LMX1A: variants seen among roughly 807,000 people sequenced by gnomAD.
LMX1A encodes LIM homeobox transcription factor 1-alpha.
LMX1A carries 15 observed loss-of-function variants against 49.1 expected under a neutral mutation model. The observed-to-expected ratio is 0.31, with a 90% confidence interval of 0.20 to 0.47. The LOEUF is 0.47. LMX1A is among the 20% of genes least tolerant of loss of function. The pLI is 1.00. For missense variants in LMX1A, 372 were observed against 475.8 expected, an observed-to-expected ratio of 0.78 and a Z score of 2.03; for synonymous variants, 167 against 185.7, an observed-to-expected ratio of 0.90 and a Z score of 0.82.
At chr1:165,210,604 A>G in intron 6 of LMX1A, 95 bp downstream of exon 6, 1 of 840,656 alleles carries the variant, frequency 1.2e-6, no homozygotes, top group Non-Finnish European at 1.9e-6. Context: ...CCAATGAGCT[A>G]AGGCGAGAAA....
intron 3 of LMX1A, among the ~76,000 whole-genome samples, chr1:165,338,554 A>G (rs1238330875): frequency 6.6e-6 from 1 of 152,216 alleles, no homozygotes; most frequent in African/African-American, 2.4e-5. Flanking sequence ...CTTAACTGTC[A>G]ACAGGGAAAT....
In LMX1A at chr1:165,221,288, T is replaced by G. The variant is rs537304375; in HGVS notation, c.497-7475A>C. On this transcript the variant is annotated intron_variant, in intron 4 of 8. Transcript: ENST00000342310. ...GAAAGGGAAGGCTTTCTGGAGGGGG[T>G]GAAAGGTTGACCCTGAGCTCCTGCT... Among the ~76,000 whole-genome samples the G allele has an allele frequency of 2.7e-5, 4 of 149,950 alleles. No homozygotes were observed. The South Asian group carries it at 8.3e-4, about 31-fold the overall frequency.
chr1:165,217,749 C>T (rs1354250190), intron 4 of LMX1A, among the ~76,000 whole-genome samples: 2 of 152,176 alleles, frequency 1.3e-5, no homozygotes, highest in Non-Finnish European at 2.9e-5. Context: ...TTGCACAGTT[C>T]AAATCCATGT....
Position 165,355,483 on chromosome 1 carries a change from C to T in LMX1A, c.76+1G>A. ...CCAGGACGCACGGCCTGAACACTCACCCAGCAGCGAGGAGAAGGAGGCCGA... is the reference window on the plus strand; with the variant it reads ...CCAGGACGCACGGCCTGAACACTCATCCAGCAGCGAGGAGAAGGAGGCCGA... On this transcript the variant is annotated splice_donor_variant, in intron 2 of 8. Coordinates refer to ENST00000342310, the MANE Select transcript of LMX1A (RefSeq NM_177398.4). LOFTEE classifies it high-confidence loss of function. The surrounding 1 kb of genome is among the most constrained non-coding windows in gnomAD (Gnocchi z 4.7). 1.2e-6 allele frequency: 2 copies of T among 1,613,860 alleles called. No homozygotes were observed. The highest frequency in any genetic ancestry group is 1.7e-6 in the Non-Finnish European group (2 of 1,179,914).
At chr1:165,214,093 G>T (rs1288436655) in intron 4 of LMX1A, among the ~76,000 whole-genome samples, 2 of 152,214 alleles carry the variant, frequency 1.3e-5, no homozygotes, top group Non-Finnish European at 2.9e-5. Context: ...CTTGGGCAAT[G>T]ATATGGTTTA....
At chr1:165,312,595 G>A (rs1450012593) in intron 3 of LMX1A, among the ~76,000 whole-genome samples, 2 of 152,166 alleles carry the variant, frequency 1.3e-5, no homozygotes, top group African/African-American at 2.4e-5. Context: ...CCACTATGCT[G>A]TAAGGAAGCC....
At chr1:165,315,699 C>A (rs1390016429) in intron 3 of LMX1A, among the ~76,000 whole-genome samples, 4 of 152,144 alleles carry the variant, frequency 2.6e-5, no homozygotes, top group African/African-American at 9.7e-5. Flanking sequence ...CCCCCTCTAC[C>A]CCCAGGAAAA....
intron 4 of LMX1A, among the ~76,000 whole-genome samples, chr1:165,226,808 A>G (rs938330269): frequency 1.3e-5 from 2 of 152,240 alleles, no homozygotes; most frequent in Non-Finnish European, 2.9e-5. Flanking sequence ...AGTTACATAG[A>G]CACTTTATCT....
intron 3 of LMX1A, among the ~76,000 whole-genome samples, chr1:165,250,006 CACTT>C (rs917471850): frequency 6.4e-5 from 7 of 108,676 alleles, no homozygotes; most frequent in Non-Finnish European, 9.2e-5. Flanking sequence ...TGCATGTTCT[CACTT>C]ATAAGTGGGA....
intron 3 of LMX1A, among the ~76,000 whole-genome samples, chr1:165,277,913 G>C (rs990478): frequency 6.6e-6 from 1 of 152,230 alleles, no homozygotes; most frequent in African/African-American, 2.4e-5. Flanking sequence ...TGGACACCCA[G>C]AAATTATATG....
At chr1:165,239,864 T>G (rs1652583678) in intron 4 of LMX1A, among the ~76,000 whole-genome samples, 1 of 152,222 alleles carries the variant, frequency 6.6e-6, no homozygotes, top group African/African-American at 2.4e-5. Flanking sequence ...ATGATATCAT[T>G]TGTGCCTTTT....
At chr1:165,312,063 T>A (rs1339956564) in intron 3 of LMX1A, among the ~76,000 whole-genome samples, 1 of 152,258 alleles carries the variant, frequency 6.6e-6, no homozygotes, top group Non-Finnish European at 1.5e-5. Context: ...AAATGATAAT[T>A]GCTTCTGCTT....
intron 4 of LMX1A, among the ~76,000 whole-genome samples, chr1:165,223,286 A>G (rs1651918300): frequency 6.6e-6 from 1 of 152,228 alleles, no homozygotes; most frequent in Non-Finnish European, 1.5e-5. Context: ...GATATTTCAA[A>G]TATTTTTATT....
In LMX1A at chr1:165,337,268, T is replaced by A. The variant is rs1655926085; in HGVS notation, c.263+15808A>T. 4.6e-5 allele frequency among the ~76,000 whole-genome samples: 7 copies of A among 152,202 alleles called. No homozygotes were observed. The South Asian group carries it at 1.4e-3, about 32-fold the overall frequency. Reference sequence around the variant, plus strand: ...CTTACTCTAAACATAACAATATCTTTAATTAAATGATAATTTTAGAGCATA... The same window carrying A: ...CTTACTCTAAACATAACAATATCTTAAATTAAATGATAATTTTAGAGCATA... On this transcript the variant is annotated intron_variant, in intron 3 of 8. Coordinates refer to ENST00000342310, the MANE Select transcript of LMX1A (RefSeq NM_177398.4).
At chr1:165,306,606 C>T (rs551312550) in intron 3 of LMX1A, among the ~76,000 whole-genome samples, 3 of 152,326 alleles carry the variant, frequency 2.0e-5, no homozygotes, top group South Asian at 2.1e-4. Flanking sequence ...AACCAATACA[C>T]TCTCAGAAAA....
intron 4 of LMX1A, among the ~76,000 whole-genome samples, chr1:165,223,035 G>T (rs1432000878): frequency 1.3e-5 from 2 of 151,918 alleles, no homozygotes; most frequent in African/African-American, 4.8e-5. Context: ...GGTGGGGTGG[G>T]GGAGTGATAA....
intron 4 of LMX1A, among the ~76,000 whole-genome samples, chr1:165,219,410 G>C (rs1267375084): frequency 6.6e-6 from 1 of 152,090 alleles, no homozygotes; most frequent in Non-Finnish European, 1.5e-5. Flanking sequence ...TTTAGACAGG[G>C]GGAGTAGAGG....
At chr1:165,276,661 C>CAA (rs5778437) in intron 3 of LMX1A, among the ~76,000 whole-genome samples, 18 of 72,890 alleles carry the variant, frequency 2.5e-4, no homozygotes, top group Admixed American at 1.9e-3. Context: ...AAAGAAAAGT[C>CAA]AAAAAAAAAA....
At chr1:165,241,354 C>T (rs1415142779) in intron 4 of LMX1A, among the ~76,000 whole-genome samples, 1 of 152,226 alleles carries the variant, frequency 6.6e-6, no homozygotes, top group African/African-American at 2.4e-5. Context: ...AATACACTGG[C>T]TCTCACACTA....
Sources: gnomAD v4.1 joint callset for allele counts (sites outside exome capture counted in the v4.1 genomes callset) on GRCh38, gnomAD v4.1.1 for gene constraint, Gnocchi (gnomAD v3.1) non-coding constraint, MANE v1.5 for transcripts, NCBI Gene and HGNC (gene_info 2026-07-23, HGNC 2026-07-21) for gene names.